The following CENPQ variants were observed in gnomAD, a reference collection of about 807,000 sequenced individuals.
The protein encoded by CENPQ is centromere protein Q.
A neutral mutation model predicts 36.6 loss-of-function variants in CENPQ; 27 were observed. The observed-to-expected ratio is 0.74, with a 90% CI of 0.54 to 1.02. The LOEUF (loss-of-function observed/expected upper bound fraction) is 1.02. Ranked by LOEUF, CENPQ falls within the 50% of genes least tolerant of loss-of-function variation. The pLI is 0.00. For missense variants in CENPQ, 306 were observed against 301.8 expected, an observed-to-expected ratio of 1.01 and a Z score of -0.10; for synonymous variants, 101 against 101.7, an observed-to-expected ratio of 0.99 and a Z score of 0.04.
At chr6:49,468,543 G>T (rs1768056655) in intron 1 of CENPQ, among the ~76,000 whole-genome samples, 1 of 151,926 alleles carries the variant, frequency 6.6e-6, no homozygotes, top group South Asian at 2.1e-4. Flanking sequence ...GCAGCAGTGA[G>T]CCGAGATCGC....
rs1768175378 is a variant in CENPQ, at chr6:49,472,830, C to A, written c.319C>A (p.Gln107Lys). 1.4e-6 allele frequency: 2 copies of A among 1,451,182 alleles called. No homozygotes were observed. The highest frequency in any genetic ancestry group is 1.3e-5 in the South Asian group (1 of 77,784). 89.9% of individuals were successfully genotyped at this position (1,451,182 alleles called of 1,614,324 possible). A position where few individuals can be genotyped will look rare whatever the true frequency, so the allele number is the denominator to read the frequency against. ...CAGTATTAAAGAAAAAGAAGAAATA[C>A]AATACCATCTCAACTTCCTGAAGAA... Reference protein sequence around the residue: ...SNSIKEKEEIQYHLNFLKKRL... With the variant: ...SNSIKEKEEIKYHLNFLKKRL... The change falls in exon 5 of 9, where the codon CAA (glutamine) becomes AAA (lysine). Residue 107 changes from glutamine to lysine, a missense_variant. Transcript: ENST00000335783.
rs1768112155 is a variant in CENPQ at position 49,470,737 on chromosome 6, A to G, written c.103-237A>G. Among the ~76,000 whole-genome samples the G allele has an allele frequency of 2.6e-5, 4 of 152,182 alleles. No individual in the cohort carries two copies. The South Asian group carries it at 8.3e-4, about 31-fold the overall frequency. ...AAGTGAGTAATAATTCATTTAAAACATTCTTTGACACTGTATAAAATTCTG... is the reference window on the plus strand; with the variant it reads ...AAGTGAGTAATAATTCATTTAAAACGTTCTTTGACACTGTATAAAATTCTG... On this transcript the variant is annotated intron_variant, in intron 2 of 8. Coordinates refer to ENST00000335783, the MANE Select transcript of CENPQ (RefSeq NM_018132.4).
intron 5 of CENPQ, among the ~76,000 whole-genome samples, chr6:49,474,464 A>G (rs1332531820): frequency 6.6e-6 from 1 of 152,228 alleles, no homozygotes; most frequent in Non-Finnish European, 1.5e-5. Flanking sequence ...GTTCTTTGAA[A>G]CCAACGAGAA....
chr6:49,470,774 A>G (rs1292848875), intron 2 of CENPQ, among the ~76,000 whole-genome samples, 200 bp from the exon 3 acceptor site: 1 of 152,140 alleles, frequency 6.6e-6, no homozygotes, highest in Non-Finnish European at 1.5e-5. Flanking sequence ...TATTATCATC[A>G]TTGTCAAGAA....
In CENPQ at chr6:49,481,098, G is replaced by A; in HGVS notation, c.477+18G>A. 6.3e-7 allele frequency: 1 copy of A among 1,575,110 alleles called. No individual in the cohort carries two copies. The highest frequency in any genetic ancestry group is 8.6e-7 in the Non-Finnish European group (1 of 1,166,054). ...TACTACAGGTATGAAATTTGAATAG[G>A]GAATCCATAATTAGAGAGTTAGGGA... On this transcript the variant is annotated intron_variant, in intron 6 of 8. Coordinates refer to ENST00000335783, the MANE Select transcript of CENPQ (RefSeq NM_018132.4).
At chr6:49,483,880 C>A (rs1365382413) in intron 6 of CENPQ, among the ~76,000 whole-genome samples, 1 of 152,274 alleles carries the variant, frequency 6.6e-6, no homozygotes, top group Non-Finnish European at 1.5e-5. Context: ...CAGCAGTGGG[C>A]TGAAGGGCTC....
intron 6 of CENPQ, among the ~76,000 whole-genome samples, chr6:49,481,908 A>G (rs1467126825): frequency 2.0e-5 from 3 of 152,168 alleles, no homozygotes; most frequent in Non-Finnish European, 4.4e-5. Context: ...TGGGCTGCAC[A>G]GGAGCCCACG....
At chr6:49,487,242 A>G (rs1768608404) in intron 6 of CENPQ, among the ~76,000 whole-genome samples, 2 of 130,900 alleles carry the variant, frequency 1.5e-5, no homozygotes, top group Non-Finnish European at 3.2e-5. Flanking sequence ...CAGTCCCAAA[A>G]TCTTAGGCAT....
At chr6:49,477,719 AATC>A (rs1295034820) in intron 5 of CENPQ, among the ~76,000 whole-genome samples, 1 of 152,098 alleles carries the variant, frequency 6.6e-6, no homozygotes, top group African/African-American at 2.4e-5. Context: ...AGAAAGAGTG[AATC>A]AGATGGGTTG....
At chr6:49,485,945 T>A (rs985157216) in intron 6 of CENPQ, among the ~76,000 whole-genome samples, 1 of 152,200 alleles carries the variant, frequency 6.6e-6, no homozygotes, top group Non-Finnish European at 1.5e-5. Flanking sequence ...AATGCTGTTA[T>A]ACATTCCCTT....
chr6:49,480,940 T>G lies in CENPQ; in HGVS notation c.348-11T>G. On this transcript the variant is annotated splice_polypyrimidine_tract_variant and intron_variant, in intron 5 of 8. Coordinates refer to ENST00000335783, the MANE Select transcript of CENPQ (RefSeq NM_018132.4). ...AATAAACAAAATAATTGTTTTTATT[T>G]TATCCTTAAGATTGCTACAACAGTG... 6.4e-7 allele frequency: 1 copy of G among 1,556,574 alleles called. No individual in the cohort carries two copies. Among genetic ancestry groups the G allele is most frequent in the Non-Finnish European group, 8.7e-7 (1 of 1,153,706 alleles).
At chr6:49,487,630 G>T (rs1768622225) in intron 6 of CENPQ, among the ~76,000 whole-genome samples, 1 of 152,010 alleles carries the variant, frequency 6.6e-6, no homozygotes, top group Admixed American at 6.6e-5. Flanking sequence ...TTATTTACTT[G>T]TTCCCCAAAG....
intron 5 of CENPQ, 67 bp from the exon 6 acceptor site, chr6:49,480,884 G>T: frequency 8.7e-7 from 1 of 1,143,026 alleles, no homozygotes; most frequent in Non-Finnish European, 1.2e-6. Context: ...GAAAAAATGA[G>T]GACTGTTTTA....
rs191525539 is a variant in CENPQ, at chr6:49,485,992, A to G, written c.478-2360A>G. 1.3e-3 allele frequency among the ~76,000 whole-genome samples: 203 copies of G among 152,298 alleles called. 2 individuals carry two copies. The highest frequency in any genetic ancestry group is 4.7e-3 in the African/African-American group (196 of 41,556). On this transcript the variant is annotated intron_variant, in intron 6 of 8. Transcript: ENST00000335783. ...GAATCTAGGAAAAGGGTCTTGTCCA[A>G]TATAATTAAGGATCTCAAGATGAAG...
intron 5 of CENPQ, among the ~76,000 whole-genome samples, chr6:49,480,693 A>C (rs1393412291): frequency 1.3e-5 from 2 of 152,034 alleles, no homozygotes; most frequent in African/African-American, 4.8e-5. Context: ...AAATTGTCAA[A>C]TGTGTAAGAT....
At chr6:49,482,003 C>T (rs1374301009) in intron 6 of CENPQ, among the ~76,000 whole-genome samples, 1 of 152,146 alleles carries the variant, frequency 6.6e-6, no homozygotes, top group Non-Finnish European at 1.5e-5. Context: ...ACAAATTGAG[C>T]GCAGGGCCGG....
At chr6:49,467,105 G>A (rs1178573321) in intron 1 of CENPQ, among the ~76,000 whole-genome samples, 1 of 152,208 alleles carries the variant, frequency 6.6e-6, no homozygotes, top group African/African-American at 2.4e-5. Context: ...AACAAAGAAT[G>A]ATCCATCTAA....
At position 49,472,755 on chromosome 6, in the gene CENPQ, GACT is replaced by G. The variant is rs746515774; in HGVS notation, c.279-30_279-28del. On this transcript the variant is annotated intron_variant, in intron 4 of 8. Transcript: ENST00000335783. ...CAAAGAGTATATGATTTGTGCATCA[GACT>G]ACTATTTATTCCATCTTTTTTTCTT... 7 of 1,396,264 alleles carry G rather than the reference GACT, an allele frequency of 5.0e-6. No homozygotes were observed. In the East Asian group the frequency reaches 8.2e-5, roughly 16 times the overall value. 86.5% of individuals were successfully genotyped at this position (1,396,264 alleles called of 1,614,324 possible). A position where few individuals can be genotyped will look rare whatever the true frequency, so the allele number is the denominator to read the frequency against.
chr6:49,472,847 C>T lies in CENPQ; in HGVS notation c.336C>T (p.Phe112=), dbSNP rs1256357615. The part of the protein sequence containing the change: ...EKEEIQYHLN[F]LKKRLLQQCE... ...AAGAAATACAATACCATCTCAACTT[C>T]CTGAAGAAAAGGTAATACTATTGCA... is the stretch of plus-strand genomic sequence containing the variant. Residue 112 remains phenylalanine (F), a synonymous_variant, in exon 5 of 9, where the codon TTC becomes TTT. Coordinates refer to ENST00000335783, the MANE Select transcript of CENPQ (RefSeq NM_018132.4). 6.9e-7 allele frequency: 1 copy of T among 1,440,198 alleles called. No individual in the cohort carries two copies. The highest frequency in any genetic ancestry group is 9.4e-7 in the Non-Finnish European group (1 of 1,062,254). 89.2% of individuals were successfully genotyped at this position (1,440,198 alleles called of 1,614,324 possible).
Sources: allele counts gnomAD v4.1 joint callset (sites outside exome capture counted in the v4.1 genomes callset), GRCh38; gene constraint gnomAD v4.1.1; transcripts MANE v1.5; gene names NCBI Gene and HGNC (gene_info 2026-07-23, HGNC 2026-07-21).